Variants in GNG4 observed in about 807,000 individuals in gnomAD.
GNG4 encodes the protein G protein subunit gamma 4, also known as guanine nucleotide-binding protein G(I)/G(S)/G(O) subunit gamma-4.
GNG4 carries 4 observed loss-of-function variants against 5.8 expected under a neutral mutation model. That is an observed-to-expected ratio of 0.69 (90% CI 0.34 to 1.57). GNG4 has a LOEUF of 1.57. Ranked by LOEUF, GNG4 falls within the 40% of genes most tolerant of loss-of-function variation. The pLI is 0.06. For synonymous variants in GNG4, 29 were observed against 32.9 expected, an observed-to-expected ratio of 0.88 and a Z score of 0.41; for missense variants, 96 against 95.1, an observed-to-expected ratio of 1.01 and a Z score of -0.04.
At chr1:235,587,698 GTCT>G (rs1687845951) in intron 2 of GNG4, among the ~76,000 whole-genome samples, 1 of 111,342 alleles carries the variant, frequency 9.0e-6, no homozygotes, top group Non-Finnish European at 2.0e-5. Flanking sequence ...AGTGTTGGGT[GTCT>G]GTGTGTGAGG....
intron 1 of GNG4, among the ~76,000 whole-genome samples, chr1:235,633,794 C>T (rs1688978868): frequency 6.6e-6 from 1 of 152,182 alleles, no homozygotes; most frequent in Non-Finnish European, 1.5e-5. Context: ...CAGCCTATTT[C>T]TCCTCTCAAC....
intron 3 of GNG4, among the ~76,000 whole-genome samples, chr1:235,559,675 T>C (rs991978636): frequency 6.6e-5 from 10 of 152,146 alleles, no homozygotes; most frequent in African/African-American, 2.4e-4. Context: ...TACCTGAAGG[T>C]GGAAACCAGA....
rs1041080305 is a variant in GNG4, at chr1:235,648,270, G to A, written c.-123+1392C>T. Among the ~76,000 whole-genome samples, 2 of 152,110 alleles carry A rather than the reference G, an allele frequency of 1.3e-5. No individual in the cohort carries two copies. The highest frequency in any genetic ancestry group is 4.8e-5 in the African/African-American group (2 of 41,400). Reference sequence around the variant, plus strand: ...CCATGGTGAGGCTGCTCATTAACAGGCAAGGCATCACTGTAAACCTTGCAT... The same window carrying A: ...CCATGGTGAGGCTGCTCATTAACAGACAAGGCATCACTGTAAACCTTGCAT... On this transcript the variant is annotated intron_variant, in intron 1 of 3. Transcript: ENST00000391854. The surrounding 1 kb of genome is among the most constrained non-coding windows in gnomAD (Gnocchi z 5.0).
At chr1:235,570,331 C>T (rs1383591991) in intron 3 of GNG4, among the ~76,000 whole-genome samples, 1 of 151,908 alleles carries the variant, frequency 6.6e-6, no homozygotes, top group Admixed American at 6.6e-5. Flanking sequence ...GGTGCTCCCA[C>T]CTCCCTCCAA....
chr1:235,607,662 G>A (rs748777930), intron 1 of GNG4, among the ~76,000 whole-genome samples: 17 of 152,178 alleles, frequency 1.1e-4, no homozygotes, highest in Admixed American at 3.3e-4. Context: ...CATCCACGCC[G>A]CCCAGCCTGA....
intron 2 of GNG4, among the ~76,000 whole-genome samples, chr1:235,589,341 G>A (rs143980886): frequency 7.0e-4 from 106 of 152,274 alleles, no homozygotes; most frequent in African/African-American, 2.2e-3. Flanking sequence ...TTAAGCTGCT[G>A]ACCCCGAAGG....
chr1:235,576,951 T>G (rs2841878), intron 3 of GNG4, among the ~76,000 whole-genome samples: 1 of 152,024 alleles, frequency 6.6e-6, no homozygotes, highest in Admixed American at 6.6e-5. Flanking sequence ...TTTTCCTCCA[T>G]GAATCGTGCA....
intron 1 of GNG4, among the ~76,000 whole-genome samples, chr1:235,627,520 C>A (rs943192392): frequency 6.6e-6 from 1 of 152,050 alleles, no homozygotes; most frequent in Non-Finnish European, 1.5e-5. Context: ...CGCACCTGGC[C>A]GACATAGTTT....
chr1:235,571,564 C>A (rs1302467752), intron 3 of GNG4, among the ~76,000 whole-genome samples: 2 of 152,206 alleles, frequency 1.3e-5, no homozygotes, highest in Admixed American at 6.5e-5. Context: ...AAAACACACA[C>A]ATTACTGATA....
intron 1 of GNG4, among the ~76,000 whole-genome samples, chr1:235,599,748 TCATAACAGTGGTGGACAG>T (rs1688214160): frequency 6.6e-6 from 1 of 152,172 alleles, no homozygotes; most frequent in Admixed American, 6.5e-5. Flanking sequence ...CGTGGGTCAG[TCATAACAGTGGTGGACAG>T]CAGAGGTGCT....
At chr1:235,616,302 T>A in intron 1 of GNG4, 1 of 448,030 alleles carries the variant, frequency 2.2e-6, no homozygotes, top group Non-Finnish European at 4.4e-6. Context: ...AAGGGCAGCA[T>A]CTCCATCCCC....
intron 1 of GNG4, among the ~76,000 whole-genome samples, chr1:235,628,993 A>ATTTTTTTTTTTTTTTTTTTTTTTTTTT (rs1054950474): frequency 8.4e-6 from 1 of 118,364 alleles, no homozygotes; most frequent in African/African-American, 3.0e-5. Flanking sequence ...ATTTGCTTGA[A>ATTTTTTTTTTTTTTTTTTTTTTTTTTT]TTTTTTTTTT....
chr1:235,584,986 T>C (rs1687724588), intron 2 of GNG4, among the ~76,000 whole-genome samples: 1 of 152,244 alleles, frequency 6.6e-6, no homozygotes, highest in Admixed American at 6.5e-5. Flanking sequence ...CAAATTGATA[T>C]TCACACAGGT....
At chr1:235,591,564 A>G (rs992111537) in intron 2 of GNG4, among the ~76,000 whole-genome samples, 2 of 152,186 alleles carry the variant, frequency 1.3e-5, no homozygotes, top group African/African-American at 4.8e-5. Context: ...TCTGGATGCT[A>G]TATGTACTTC....
At chr1:235,587,597 G>GGGGT (rs1558486317) in intron 2 of GNG4, among the ~76,000 whole-genome samples, 30 of 1,766 alleles carry the variant, frequency 0.017, no homozygotes, top group Non-Finnish European at 0.028. Flanking sequence ...GTGTGAGTGT[G>GGGGT]GGAGGGCATG....
At chr1:235,610,814 G>A (rs1302414562) in intron 1 of GNG4, among the ~76,000 whole-genome samples, 1 of 152,196 alleles carries the variant, frequency 6.6e-6, no homozygotes, top group Non-Finnish European at 1.5e-5. Context: ...GCTGGGCGTG[G>A]TGGCTCACTC....
intron 1 of GNG4, among the ~76,000 whole-genome samples, chr1:235,617,672 G>T (rs1177342143): frequency 2.0e-5 from 3 of 152,070 alleles, no homozygotes; most frequent in African/African-American, 7.2e-5. Context: ...ATCACCTGAG[G>T]CCAGGAGTTC....
chr1:235,597,670 G>C (rs1358338986), intron 1 of GNG4, among the ~76,000 whole-genome samples: 1 of 142,882 alleles, frequency 7.0e-6, no homozygotes, highest in Non-Finnish European at 1.5e-5. Flanking sequence ...CTGTAGCCCA[G>C]GCTGGAGTGC....
intron 3 of GNG4, among the ~76,000 whole-genome samples, chr1:235,567,443 T>C (rs997242392): frequency 1.3e-5 from 2 of 152,176 alleles, no homozygotes; most frequent in African/African-American, 4.8e-5. Flanking sequence ...ACTGAAACTC[T>C]GTTTCCATTA....
Sources: gnomAD v4.1 joint callset for allele counts (sites outside exome capture counted in the v4.1 genomes callset) on GRCh38, gnomAD v4.1.1 for gene constraint, Gnocchi (gnomAD v3.1) non-coding constraint, MANE v1.5 for transcripts, NCBI Gene and HGNC (gene_info 2026-07-23, HGNC 2026-07-21) for gene names.